EHBP1: variants seen among roughly 807,000 people sequenced by gnomAD.
EHBP1 encodes the protein EH domain-binding protein 1.
Under a neutral mutation model 144.0 loss-of-function variants are expected in EHBP1, and 55 were observed. That is an observed-to-expected ratio of 0.38 (90% confidence interval 0.31 to 0.48). The LOEUF is 0.48. Among genes scored for constraint, EHBP1 ranks in the 20% least tolerant of loss-of-function variants. The probability of loss-of-function intolerance (pLI) is 0.98; values close to 1 mark genes in which losing one functional copy is unlikely to be tolerated. For missense variants in EHBP1, 1,200 were observed against 1,364.2 expected (o/e 0.88, Z 1.90); for synonymous variants, 469 against 472.7 (o/e 0.99, Z 0.10).
chr2:62,747,954 G>A (rs569429323), intron 3 of EHBP1, among the ~76,000 whole-genome samples: 143 of 152,068 alleles, frequency 9.4e-4, no homozygotes, highest in African/African-American at 3.2e-3. Flanking sequence ...ACCAGATGCC[G>A]ATGCCTTGAT....
intron 10 of EHBP1, among the ~76,000 whole-genome samples, chr2:62,936,681 A>T (rs975831266): frequency 2.8e-5 from 4 of 144,476 alleles, no homozygotes; most frequent in African/African-American, 1.1e-4. Flanking sequence ...GTAGAAGATT[A>T]AAAAAAAAAT....
intron 2 of EHBP1, among the ~76,000 whole-genome samples, chr2:62,732,052 C>G (rs376275156): frequency 3.3e-5 from 5 of 152,074 alleles, no homozygotes; most frequent in Non-Finnish European, 5.9e-5. Context: ...AGTGTGGGGA[C>G]CCCACACTTT....
chr2:62,975,119 C>G (rs1023268136), intron 14 of EHBP1, among the ~76,000 whole-genome samples: 1 of 152,158 alleles, frequency 6.6e-6, no homozygotes, highest in Non-Finnish European at 1.5e-5. Context: ...GTCTTGGAAC[C>G]TATGCCAGAA....
intron 14 of EHBP1, among the ~76,000 whole-genome samples, chr2:62,971,644 C>T (rs1015418812): frequency 2.6e-5 from 4 of 152,036 alleles, no homozygotes; most frequent in Admixed American, 6.6e-5. Flanking sequence ...TGACCTTGGG[C>T]GGTATATTTA....
intron 21 of EHBP1, among the ~76,000 whole-genome samples, chr2:63,043,360 ATGC>A (rs1307209345): frequency 1.3e-5 from 2 of 152,210 alleles, no homozygotes; most frequent in African/African-American, 4.8e-5. Context: ...ATTCATCTCC[ATGC>A]TATAGAATAT....
At chr2:63,027,752 C>A (rs888515622) in intron 19 of EHBP1, among the ~76,000 whole-genome samples, 16 of 152,016 alleles carry the variant, frequency 1.1e-4, no homozygotes, top group African/African-American at 1.9e-4. Flanking sequence ...TATTTATAAT[C>A]AAAAAACATT....
In EHBP1 at chr2:62,953,638, GA is replaced by G. The variant is rs879756454; in HGVS notation, c.2317-1870del. Among the ~76,000 whole-genome samples the G allele has an allele frequency of 2.7e-3, 405 of 148,740 alleles. 1 individual carries two copies. Among genetic ancestry groups the G allele is most frequent in the Middle Eastern group, 6.9e-3 (2 of 288 alleles). On this transcript the variant is annotated intron_variant, in intron 13 of 22. Transcript: ENST00000431489. The stretch of plus-strand genomic sequence containing the variant: ...AGAAAATGCTCAAAATAGAATAAGT[GA>G]AAAAAAAAGCATGATTCTACAGTTA...
At chr2:62,986,085 A>G (rs1319436647) in intron 15 of EHBP1, among the ~76,000 whole-genome samples, 2 of 152,212 alleles carry the variant, frequency 1.3e-5, no homozygotes, top group African/African-American at 4.8e-5. Context: ...GGCAGCAAAA[A>G]AGTACTACAT....
At chr2:62,748,634 T>C (rs1182453287) in intron 3 of EHBP1, among the ~76,000 whole-genome samples, 1 of 152,128 alleles carries the variant, frequency 6.6e-6, no homozygotes, top group East Asian at 1.9e-4. Context: ...CCCTCCAGCC[T>C]GGGTGACAGA....
chr2:62,701,298 T>C (rs1281828486), upstream of EHBP1, among the ~76,000 whole-genome samples: 1 of 152,192 alleles, frequency 6.6e-6, no homozygotes, highest in African/African-American at 2.4e-5. Flanking sequence ...CAAAATATTA[T>C]TTCAATATGT....
intron 14 of EHBP1, among the ~76,000 whole-genome samples, chr2:62,977,250 C>T (rs370979349): frequency 2.0e-5 from 3 of 151,906 alleles, no homozygotes; most frequent in East Asian, 3.9e-4. Flanking sequence ...ATTAAAGCAC[C>T]TCTCCCTGTT....
intron 19 of EHBP1, among the ~76,000 whole-genome samples, chr2:63,015,229 T>C (rs1329025777): frequency 6.6e-6 from 1 of 152,190 alleles, no homozygotes; most frequent in African/African-American, 2.4e-5. Context: ...ATATTGCCTC[T>C]TAAGATATTA....
chr2:62,819,472 C>T (rs2045716293), intron 5 of EHBP1, among the ~76,000 whole-genome samples: 1 of 152,056 alleles, frequency 6.6e-6, no homozygotes, highest in Non-Finnish European at 1.5e-5. Context: ...AATTCCAAAC[C>T]TGCAGCCGGG....
At chr2:62,764,027 A>T (rs538341079) in intron 3 of EHBP1, among the ~76,000 whole-genome samples, 1 of 152,226 alleles carries the variant, frequency 6.6e-6, no homozygotes, top group South Asian at 2.1e-4. Flanking sequence ...ATTTGTTTAC[A>T]GATAGTAATC....
rs1035564631 is a variant in EHBP1, at chr2:62,715,529, T to A, written c.104+8234T>A. On this transcript the variant is annotated intron_variant, in intron 2 of 22. Transcript: ENST00000431489. ...TCATATGGCTACCCAGAATAAAGAT[T>A]ATATTTTCCAGATTTCCTTGCACTT... Among the ~76,000 whole-genome samples the A allele has an allele frequency of 1.8e-4, 28 of 152,146 alleles. 1 individual carries two copies. Among genetic ancestry groups the A allele is most frequent in the Admixed American group, 1.6e-3 (25 of 15,268 alleles).
At chr2:63,017,520 CA>C (rs2060534010) in intron 19 of EHBP1, among the ~76,000 whole-genome samples, 1 of 152,146 alleles carries the variant, frequency 6.6e-6, no homozygotes, top group Non-Finnish European at 1.5e-5. Flanking sequence ...CATTTGCAAC[CA>C]AACACTTGGA....
At chr2:62,729,204 T>C (rs1325625722) in intron 2 of EHBP1, among the ~76,000 whole-genome samples, 2 of 147,274 alleles carry the variant, frequency 1.4e-5, no homozygotes, top group South Asian at 2.1e-4. Flanking sequence ...TTTTTTTTTT[T>C]CCTCAACAGC....
At chr2:62,961,340 C>G (rs1410356805) in intron 14 of EHBP1, among the ~76,000 whole-genome samples, 1 of 152,174 alleles carries the variant, frequency 6.6e-6, no homozygotes, top group Non-Finnish European at 1.5e-5. Flanking sequence ...TTCATTCATA[C>G]CTTTGTGCCT....
intron 1 of EHBP1, among the ~76,000 whole-genome samples, chr2:62,688,523 T>C (rs1485515437): frequency 6.6e-6 from 1 of 152,162 alleles, no homozygotes; most frequent in East Asian, 1.9e-4. Flanking sequence ...TACATGTTAT[T>C]ATTAAATGCA....
Sources: allele counts gnomAD v4.1 joint callset (sites outside exome capture counted in the v4.1 genomes callset), GRCh38; gene constraint gnomAD v4.1.1; transcripts MANE v1.5; gene names NCBI Gene and HGNC (gene_info 2026-07-23, HGNC 2026-07-21).